The following COL14A1 variants were observed in gnomAD, a reference collection of about 807,000 sequenced individuals.
COL14A1 encodes the protein collagen alpha-1(XIV) chain.
COL14A1 carries 136 observed loss-of-function variants against 230.3 expected under a neutral mutation model. That is an observed-to-expected ratio of 0.59 (90% CI 0.51 to 0.68). The LOEUF is 0.68. Among genes scored for constraint, COL14A1 ranks in the 30% least tolerant of loss-of-function variants. The pLI, the probability that COL14A1 is intolerant of heterozygous loss-of-function variation, is 0.00. For synonymous variants in COL14A1, 792 were observed against 784.1 expected, an observed-to-expected ratio of 1.01 and a Z score of -0.17; for missense variants, 1,976 against 2,215.8, an observed-to-expected ratio of 0.89 and a Z score of 2.17.
At chr8:120,195,513 G>A (rs978376497) in intron 5 of COL14A1, among the ~76,000 whole-genome samples, 1 of 152,072 alleles carries the variant, frequency 6.6e-6, no homozygotes, top group African/African-American at 2.4e-5. Context: ...GTATTGGTCT[G>A]TTCTCACGCT....
intron 19 of COL14A1, 81 bp downstream of exon 19, chr8:120,231,699 A>C (rs1818274233): frequency 4.3e-6 from 6 of 1,402,298 alleles, no homozygotes; most frequent in Non-Finnish European, 5.8e-6. Flanking sequence ...GATCAATGCA[A>C]ACTTTACTGC....
intron 34 of COL14A1, among the ~76,000 whole-genome samples, chr8:120,290,151 A>T (rs886880201): frequency 6.6e-6 from 1 of 152,218 alleles, no homozygotes; most frequent in African/African-American, 2.4e-5. Flanking sequence ...ATAAGCAAAT[A>T]CAAATCCACA....
intron 40 of COL14A1, among the ~76,000 whole-genome samples, chr8:120,327,867 T>G (rs1382374077): frequency 1.3e-5 from 2 of 151,666 alleles, no homozygotes; most frequent in Non-Finnish European, 2.9e-5. Flanking sequence ...CAGGTTCAAG[T>G]GATTCTCATG....
chr8:120,216,620 G>A (rs1405530671), intron 14 of COL14A1, 130 bp downstream of exon 14: 3 of 970,016 alleles, frequency 3.1e-6, no homozygotes, highest in Non-Finnish European at 4.4e-6. Context: ...CATAGTTCCT[G>A]TATGTAGGTC....
At chr8:120,350,077 A>G (rs1461563285) in intron 45 of COL14A1, among the ~76,000 whole-genome samples, 1 of 149,638 alleles carries the variant, frequency 6.7e-6, no homozygotes, top group African/African-American at 2.5e-5. Context: ...GTGGGGGCCA[A>G]TATTCAACAT....
intron 5 of COL14A1, among the ~76,000 whole-genome samples, chr8:120,174,634 C>T (rs1264413331): frequency 6.6e-6 from 1 of 152,058 alleles, no homozygotes; most frequent in Non-Finnish European, 1.5e-5. Flanking sequence ...TTCAGGCAGG[C>T]ACTATCTCAA....
At chr8:120,200,765 A>ATATG (rs1563668143) in intron 8 of COL14A1, among the ~76,000 whole-genome samples, 10 of 92,146 alleles carry the variant, frequency 1.1e-4, no homozygotes, top group African/African-American at 3.7e-4. Context: ...ATATATATAT[A>ATATG]TTATTTTTCA....
chr8:120,356,751 T>C (rs1193010182), intron 45 of COL14A1, among the ~76,000 whole-genome samples: 1 of 151,858 alleles, frequency 6.6e-6, no homozygotes, highest in Non-Finnish European at 1.5e-5. Flanking sequence ...TCTGCTGAAA[T>C]ACATGTTGCC....
At chr8:120,131,731 A>G (rs1346083666) in intron 1 of COL14A1, among the ~76,000 whole-genome samples, 3 of 151,142 alleles carry the variant, frequency 2.0e-5, no homozygotes, top group African/African-American at 7.3e-5. Flanking sequence ...CCCACTTGTC[A>G]ATTTTTGTTT....
chr8:120,260,962 AG>A (rs1475619243), intron 23 of COL14A1, among the ~76,000 whole-genome samples: 1 of 152,202 alleles, frequency 6.6e-6, no homozygotes, highest in Non-Finnish European at 1.5e-5. Context: ...TTCTGAATGC[AG>A]GGGGATGAGC....
At chr8:120,209,968 T>A in intron 12 of COL14A1, 67 bp downstream of exon 12, 1 of 1,211,942 alleles carries the variant, frequency 8.3e-7, no homozygotes, top group Non-Finnish European at 1.1e-6. Context: ...AAATTTTTAT[T>A]GTAAAAATTT....
intron 5 of COL14A1, among the ~76,000 whole-genome samples, chr8:120,193,946 A>G (rs748308565): frequency 4.3e-4 from 65 of 152,246 alleles, no homozygotes; most frequent in Non-Finnish European, 7.6e-4. Flanking sequence ...TCCAGGTGCC[A>G]TCTGTCACCC....
chr8:120,313,607 CACTTAT>C lies in COL14A1; in HGVS notation c.4456-317_4456-312del, dbSNP rs147256156. Reference sequence around the variant, plus strand: ...CCAGACTAGGAAGGTGGTCTTGAAGCACTTATACTTATAAATTTGTTATGGAGTGTG... The same window carrying C: ...CCAGACTAGGAAGGTGGTCTTGAAGCACTTATAAATTTGTTATGGAGTGTG... On this transcript the variant is annotated intron_variant, in intron 37 of 47. Coordinates refer to ENST00000297848, the MANE Select transcript of COL14A1 (RefSeq NM_021110.4). 8.3e-3 allele frequency among the ~76,000 whole-genome samples: 1,260 copies of C among 152,190 alleles called. 12 individuals carry two copies. Among genetic ancestry groups the C allele is most frequent in the African/African-American group, 0.021 (890 of 41,528 alleles).
At chr8:120,126,421 T>A (rs1814337845) in intron 1 of COL14A1, among the ~76,000 whole-genome samples, 1 of 152,150 alleles carries the variant, frequency 6.6e-6, no homozygotes, top group Non-Finnish European at 1.5e-5. Flanking sequence ...GGGCCAGGAT[T>A]TCCCCCCAAA....
At chr8:120,332,779 C>T (rs920090613) in intron 42 of COL14A1, 44 bp downstream of exon 42, 3 of 1,495,162 alleles carry the variant, frequency 2.0e-6, no homozygotes, top group Non-Finnish European at 2.8e-6. Context: ...GCCCAGTCAT[C>T]ACGTTTATTT....
intron 2 of COL14A1, among the ~76,000 whole-genome samples, chr8:120,151,639 C>CAAAAAAAAAAAAAAAAAAAAAAAAAAA: frequency 2.5e-5 from 2 of 78,606 alleles, no homozygotes; most frequent in Non-Finnish European, 4.6e-5. Flanking sequence ...GACTCCGTCT[C>CAAAAAAAAAAAAAAAAAAAAAAAAAAA]AAAAAAAAAA....
chr8:120,195,989 A>G (rs747575090), intron 5 of COL14A1, among the ~76,000 whole-genome samples: 34 of 152,130 alleles, frequency 2.2e-4, no homozygotes, highest in Non-Finnish European at 3.5e-4. Flanking sequence ...AGCCTCCTCC[A>G]TTGTTGTAGA....
chr8:120,165,158 G>T (rs573497020), intron 4 of COL14A1, among the ~76,000 whole-genome samples: 1 of 152,190 alleles, frequency 6.6e-6, no homozygotes, highest in African/African-American at 2.4e-5. Context: ...AATGAAAATT[G>T]CTTGGATAGC....
chr8:120,224,639 T>G (rs528538349), intron 14 of COL14A1, among the ~76,000 whole-genome samples: 18 of 152,352 alleles, frequency 1.2e-4, no homozygotes, highest in African/African-American at 4.1e-4. Context: ...GAGGAATGTT[T>G]CAAATATTTA....
Sources: gnomAD v4.1 joint callset for allele counts (sites outside exome capture counted in the v4.1 genomes callset) on GRCh38, gnomAD v4.1.1 for gene constraint, MANE v1.5 for transcripts, NCBI Gene and HGNC (gene_info 2026-07-23, HGNC 2026-07-21) for gene names.